The following TAPT1 variants were observed in gnomAD, a reference collection of about 807,000 sequenced individuals.
TAPT1 encodes the protein transmembrane anterior posterior transformation 1, also known as transmembrane anterior posterior transformation protein 1 homolog.
Under a neutral mutation model 65.6 loss-of-function variants are expected in TAPT1, and 28 were observed. That is an observed-to-expected ratio of 0.43 (90% CI 0.32 to 0.59). The LOEUF (loss-of-function observed/expected upper bound fraction) is 0.59. Among genes scored for constraint, TAPT1 ranks in the 20% least tolerant of loss-of-function variants. The pLI is 0.09. For missense variants in TAPT1, 563 were observed against 679.9 expected (o/e 0.83, Z 1.91); for synonymous variants, 278 against 245.2 (o/e 1.13, Z -1.25).
intron 2 of TAPT1, among the ~76,000 whole-genome samples, chr4:16,202,981 A>G (rs1028822181): frequency 6.6e-6 from 1 of 152,186 alleles, no homozygotes; most frequent in Non-Finnish European, 1.5e-5. Context: ...TATGTTAAAA[A>G]TATGCAAACT....
chr4:16,174,979 G>A (rs1187088992), intron 9 of TAPT1: 2 of 300,938 alleles, frequency 6.6e-6, no homozygotes, highest in East Asian at 5.9e-5. Context: ...AATATCCAAC[G>A]ACTATGATCC....
At chr4:16,222,771 A>T (rs911329970) in intron 1 of TAPT1, among the ~76,000 whole-genome samples, 1 of 152,196 alleles carries the variant, frequency 6.6e-6, no homozygotes, top group African/African-American at 2.4e-5. Context: ...AAGCAAGAAG[A>T]GGTCTAACCA....
At chr4:16,196,933 C>A (rs183074358) in intron 3 of TAPT1, among the ~76,000 whole-genome samples, 12 of 152,204 alleles carry the variant, frequency 7.9e-5, no homozygotes, top group Non-Finnish European at 1.5e-4. Flanking sequence ...TTACCAAGAG[C>A]TCTCCCTACT....
chr4:16,226,049 T>C, intron 1 of TAPT1: 2 of 1,010,150 alleles, frequency 2.0e-6, no homozygotes, highest in Non-Finnish European at 2.4e-6. Flanking sequence ...CGCGGGGGCC[T>C]CGGGGCTGCG....
At chr4:16,197,163 C>T (rs530160585) in intron 3 of TAPT1, among the ~76,000 whole-genome samples, 4 of 152,096 alleles carry the variant, frequency 2.6e-5, no homozygotes, top group African/African-American at 9.7e-5. Context: ...GATAAACTCT[C>T]AAAAGAAAAT....
chr4:16,227,370 A>G (rs571014632), upstream of TAPT1: 1 of 451,938 alleles, frequency 2.2e-6, no homozygotes, highest in African/African-American at 2.0e-5. Context: ...CCCCGCAACG[A>G]GCGTGGTGTC....
intron 1 of TAPT1, among the ~76,000 whole-genome samples, chr4:16,222,423 G>C (rs1349764144): frequency 1.3e-5 from 2 of 151,990 alleles, no homozygotes; most frequent in African/African-American, 4.8e-5. Context: ...TAATTTCCCG[G>C]TTTTATTATT....
chr4:16,201,210 T>C (rs1750008037), intron 3 of TAPT1, among the ~76,000 whole-genome samples: 1 of 152,178 alleles, frequency 6.6e-6, no homozygotes, highest in Non-Finnish European at 1.5e-5. Context: ...GTCTTATTTT[T>C]AAAAAGACTG....
intron 3 of TAPT1, among the ~76,000 whole-genome samples, chr4:16,195,462 T>C (rs750958578): frequency 6.6e-6 from 1 of 152,146 alleles, no homozygotes; most frequent in Non-Finnish European, 1.5e-5. Flanking sequence ...CTAATCTAAT[T>C]TGCAGGTTTG....
At position 16,188,357 on chromosome 4, in the gene TAPT1, T is replaced by TAA; in HGVS notation, c.613-4_613-3dup. 43 of 1,311,924 alleles carry TAA rather than the reference T, an allele frequency of 3.3e-5. No individual in the cohort carries two copies. The highest frequency in any genetic ancestry group is 2.0e-4 in the Middle Eastern group (1 of 5,054). The allele number at this position is 1,311,924 out of a possible 1,614,324, so 81.3% of individuals were successfully genotyped here. On this transcript the variant is annotated splice_polypyrimidine_tract_variant and splice_region_variant and intron_variant, in intron 4 of 13. Transcript: ENST00000405303. ...AGATGAAAACAGACGATCAGCTACC[T>TAA]AAAAAAAAAAATTATTTGTAAGATG... is the stretch of plus-strand genomic sequence containing the variant.
At chr4:16,174,818 T>C (rs1407033802) in intron 9 of TAPT1, 89 bp from the exon 10 acceptor site, 1 of 958,552 alleles carries the variant, frequency 1.0e-6, no homozygotes, top group Non-Finnish European at 1.5e-6. Context: ...AAACATTTAA[T>C]AATTAACCAG....
chr4:16,203,843 T>C (rs1419671196), intron 2 of TAPT1, among the ~76,000 whole-genome samples: 1 of 152,212 alleles, frequency 6.6e-6, no homozygotes, highest in Non-Finnish European at 1.5e-5. Flanking sequence ...TATTAATTTT[T>C]GATAAAAATA....
At chr4:16,195,201 A>C (rs1194622246) in intron 3 of TAPT1, among the ~76,000 whole-genome samples, 2 of 152,254 alleles carry the variant, frequency 1.3e-5, no homozygotes, top group Non-Finnish European at 2.9e-5. Context: ...AACTTGAACC[A>C]ATCAGTTTAT....
rs779100798 is a variant in TAPT1 at position 16,213,874 on chromosome 4, C to A, written c.224G>T (p.Ser75Ile). 4 of 1,598,886 alleles carry A rather than the reference C, an allele frequency of 2.5e-6. No individual in the cohort carries two copies. In the Admixed American group the frequency reaches 7.2e-5, roughly 29 times the overall value. Reference sequence around the variant, plus strand: ...GAAGTACCCTCTTGTTAGTTCAGCACTGAGGAACCTCAACAATGAAAGCTC... The same window carrying A: ...GAAGTACCCTCTTGTTAGTTCAGCAATGAGGAACCTCAACAATGAAAGCTC... ...RTELSLLRFL[S>I]AELTRGYFLE... Residue 75 changes from serine to isoleucine, a missense_variant, in exon 2 of 14, where the codon AGT becomes ATT. By Grantham distance (142) the Ser-to-Ile change is moderately radical (BLOSUM62 -2). This residue lies in a region of TAPT1 where 217 missense variants were observed against 317.5 expected (regional missense o/e 0.68). Transcript: ENST00000405303.
chr4:16,216,261 G>A (rs1266695827), intron 1 of TAPT1: 1 of 152,114 alleles, frequency 6.6e-6, no homozygotes, highest in Non-Finnish European at 1.5e-5. Flanking sequence ...GTGTTTGCTG[G>A]TTCAGTGCTC....
At chr4:16,174,813 T>C (rs959124306) in intron 9 of TAPT1, 84 bp from the exon 10 acceptor site, 1 of 986,238 alleles carries the variant, frequency 1.0e-6, no homozygotes, top group African/African-American at 1.7e-5. Context: ...AATAAAAACA[T>C]TTAATAATTA....
chr4:16,208,774 A>G (rs1750487410), intron 2 of TAPT1, among the ~76,000 whole-genome samples: 1 of 152,230 alleles, frequency 6.6e-6, no homozygotes, highest in African/African-American at 2.4e-5. Context: ...TATACAGCTA[A>G]AAGCATTCCT....
chr4:16,193,091 T>C (rs1041356579), intron 3 of TAPT1, among the ~76,000 whole-genome samples: 1 of 152,222 alleles, frequency 6.6e-6, no homozygotes, highest in African/African-American at 2.4e-5. Context: ...ATGTGCACTG[T>C]ATGATGTTTT....
chr4:16,173,197 T>G (rs904219910), intron 11 of TAPT1, among the ~76,000 whole-genome samples: 1 of 151,826 alleles, frequency 6.6e-6, no homozygotes, highest in Non-Finnish European at 1.5e-5. Flanking sequence ...GCCAGCAAAT[T>G]TTTTTTTCTT....
Sources: gnomAD v4.1 joint callset for allele counts (sites outside exome capture counted in the v4.1 genomes callset) on GRCh38, gnomAD v4.1.1 for gene constraint, gnomAD v4.1.1 regional missense constraint, MANE v1.5 for transcripts, NCBI Gene and HGNC (gene_info 2026-07-23, HGNC 2026-07-21) for gene names.